Variants in DR1 observed in about 807,000 individuals in gnomAD.
DR1 encodes the protein protein Dr1.
DR1 carries 7 observed loss-of-function variants against 19.9 expected under a neutral mutation model. The ratio of observed to expected loss-of-function variants is 0.35; its 90% CI spans 0.20 to 0.66. The LOEUF is 0.66. Among genes scored for constraint, DR1 ranks in the 30% least tolerant of loss-of-function variants. The probability of loss-of-function intolerance (pLI) is 0.66; values close to 1 mark genes in which losing one functional copy is unlikely to be tolerated. For synonymous variants in DR1, 76 were observed against 72.5 expected (o/e 1.05, Z -0.24); for missense variants, 98 against 203.7 (o/e 0.48, Z 3.16).
rs140098120 is a variant in DR1 at position 93,350,294 on chromosome 1, G to C, written c.220+3429G>C. 9.3e-4 allele frequency among the ~76,000 whole-genome samples: 141 copies of C among 152,204 alleles called. 1 individual carries two copies. Among genetic ancestry groups the C allele is most frequent in the African/African-American group, 3.3e-3 (138 of 41,536 alleles). On this transcript the variant is annotated intron_variant, in intron 1 of 2. Coordinates refer to ENST00000370272, the MANE Select transcript of DR1 (RefSeq NM_001938.3). ...ATTGTTGTCCAAGATTTCCAGTAGT[G>C]ATACCATGGAGGACATGGTTCTTAA...
rs1173956034 is a variant in DR1, at chr1:93,364,798, A to G, written c.*4159A>G. The G allele has an allele frequency of 2.8e-5, 4 of 143,980 alleles. No individual in the cohort carries two copies. The highest frequency in any genetic ancestry group is 1.1e-4 in the African/African-American group (4 of 36,324). 8.9% of individuals were successfully genotyped at this position (143,980 alleles called of 1,614,324 possible). A position where few individuals can be genotyped will look rare whatever the true frequency, so the allele number is the denominator to read the frequency against. Reference sequence around the variant, plus strand: ...AGGAAGAAACTTTTTTTTTTTTTTTAAAGAAACAGGGTCTCACTATGTTTC... The same window carrying G: ...AGGAAGAAACTTTTTTTTTTTTTTTGAAGAAACAGGGTCTCACTATGTTTC... On this transcript the variant is annotated 3_prime_UTR_variant, in exon 3 of 3. Transcript: ENST00000370272.
rs754848799 is a variant in DR1 at position 93,362,740 on chromosome 1, G to A, written c.*2101G>A. On this transcript the variant is annotated 3_prime_UTR_variant, in exon 3 of 3. Transcript: ENST00000370272. ...GTTTACTGTTATTTCAAAAAATGTG[G>A]TTTTACTTGTATTTTTATAATTTAC... is the stretch of plus-strand genomic sequence containing the variant. The A allele has an allele frequency of 6.8e-5, 10 of 147,518 alleles. No homozygotes were observed. Among genetic ancestry groups the A allele is most frequent in the Admixed American group, 1.3e-4 (2 of 14,868 alleles). 9.1% of individuals were successfully genotyped at this position (147,518 alleles called of 1,614,324 possible).
chr1:93,346,520 C>A lies in DR1; in HGVS notation c.-126C>A. 1.4e-6 allele frequency: 1 copy of A among 696,922 alleles called. No individual in the cohort carries two copies. Among genetic ancestry groups the A allele is most frequent in the Non-Finnish European group, 2.4e-6 (1 of 410,998 alleles). The allele number at this position is 696,922 out of a possible 1,614,324, so 43.2% of individuals were successfully genotyped here. A position where few individuals can be genotyped will look rare whatever the true frequency, so the allele number is the denominator to read the frequency against. On this transcript the variant is annotated 5_prime_UTR_variant, in exon 1 of 3. Transcript: ENST00000370272. The stretch of plus-strand genomic sequence containing the variant: ...CAGCTGCTCCTCCGTTCATTTTCTG[C>A]ACCCTCTTCGCAAAGCACCCCCCGG...
intron 2 of DR1, 29 bp downstream of exon 2, chr1:93,354,100 C>T: frequency 6.3e-7 from 1 of 1,596,206 alleles, no homozygotes. Flanking sequence ...TTATTTTCCT[C>T]TGAATCCTAC....
intron 1 of DR1, among the ~76,000 whole-genome samples, chr1:93,353,101 C>T (rs1346455134): frequency 1.3e-5 from 2 of 151,890 alleles, no homozygotes; most frequent in South Asian, 2.1e-4. Context: ...TGCCATGTTG[C>T]CCGCGGTGGT....
At chr1:93,355,423 A>G (rs1424067492) in intron 2 of DR1, 1 of 152,204 alleles carries the variant, frequency 6.6e-6, no homozygotes, top group African/African-American at 2.4e-5. Flanking sequence ...TGAGTGGGAA[A>G]GATTGACTTA....
Position 93,365,705 on chromosome 1 carries a change from C to A in DR1, c.*5066C>A, listed in dbSNP as rs1461641376. On this transcript the variant is annotated 3_prime_UTR_variant, in exon 3 of 3. Transcript: ENST00000370272. ...ATAGGTGATTTGGAAAGAGGAGGCC[C>A]AGGATTAAAATATGTTTCCAAGAAA... The A allele has an allele frequency of 6.6e-6, 1 of 152,136 alleles. No homozygotes were observed. Among genetic ancestry groups the A allele is most frequent in the African/African-American group, 2.4e-5 (1 of 41,420 alleles). 9.4% of individuals were successfully genotyped at this position (152,136 alleles called of 1,614,324 possible).
chr1:93,351,436 C>CTTTTT (rs397862048), intron 1 of DR1, among the ~76,000 whole-genome samples: 298 of 103,768 alleles, frequency 2.9e-3, no homozygotes, highest in Non-Finnish European at 3.4e-3. Context: ...GATTTTCTTT[C>CTTTTT]TTTTTTTTTT....
intron 2 of DR1, chr1:93,355,110 T>C (rs1666963818): frequency 6.6e-6 from 1 of 152,168 alleles, no homozygotes; most frequent in Non-Finnish European, 1.5e-5. Context: ...TTTATTGATA[T>C]TGCAGACCAC....
Position 93,354,030 on chromosome 1 carries a change from G to A in DR1, c.343G>A (p.Glu115Lys). 1 of 1,613,774 alleles carries A rather than the reference G, an allele frequency of 6.2e-7. No individual in the cohort carries two copies. The highest frequency in any genetic ancestry group is 8.5e-7 in the Non-Finnish European group (1 of 1,179,828). ...TCGTTTGGAAAACCTTGGCATTCCT[G>A]AAGAAGAGTTATTGAGACAGCAACA... ...SSRLENLGIP[E>K]EELLRQQQEL... Residue 115 changes from glutamate (E) to lysine (K), a missense_variant, in exon 2 of 3, where the codon GAA (glutamate) becomes AAA (lysine). Physicochemically the swap from Glu to Lys is moderately conservative, Grantham distance 56. Transcript: ENST00000370272.
Position 93,345,964 on chromosome 1 carries a change from C to T in DR1, c.-682C>T, listed in dbSNP as rs1323183204. On this transcript the variant is annotated 5_prime_UTR_variant, in exon 1 of 3. Transcript: ENST00000370272. Reference sequence around the variant, plus strand: ...CTTCCCTGGCATCTGGAGGGACCACCGTTGCCGCGTCTTCGGCTTCCACGA... The same window carrying T: ...CTTCCCTGGCATCTGGAGGGACCACTGTTGCCGCGTCTTCGGCTTCCACGA... 6.5e-6 allele frequency: 1 copy of T among 154,140 alleles called. No homozygotes were observed. Among genetic ancestry groups the T allele is most frequent in the East Asian group, 1.9e-4 (1 of 5,204 alleles). 9.5% of individuals were successfully genotyped at this position (154,140 alleles called of 1,614,324 possible). A position where few individuals can be genotyped will look rare whatever the true frequency, so the allele number is the denominator to read the frequency against.
chr1:93,354,145 C>T, intron 2 of DR1, 74 bp downstream of exon 2: 2 of 1,407,482 alleles, frequency 1.4e-6, no homozygotes, highest in Admixed American at 2.0e-5. Flanking sequence ...CCTAAATTAA[C>T]AGACATACCC....
At chr1:93,357,114 A>G (rs1054553131) in intron 2 of DR1, among the ~76,000 whole-genome samples, 9 of 152,118 alleles carry the variant, frequency 5.9e-5, no homozygotes, top group African/African-American at 1.9e-4. Context: ...AGAATCAACT[A>G]TTTTTCCTAT....
chr1:93,359,456 T>G (rs1667028587), intron 2 of DR1, among the ~76,000 whole-genome samples: 1 of 152,202 alleles, frequency 6.6e-6, no homozygotes, highest in Non-Finnish European at 1.5e-5. Flanking sequence ...AATTATGGTA[T>G]ATTAAATAGA....
At chr1:93,349,043 A>G (rs1666886579) in intron 1 of DR1, among the ~76,000 whole-genome samples, 1 of 152,080 alleles carries the variant, frequency 6.6e-6, no homozygotes, top group African/African-American at 2.4e-5. Flanking sequence ...TGGAATAAGT[A>G]ATGTACATTT....
intron 2 of DR1, among the ~76,000 whole-genome samples, chr1:93,357,294 G>A (rs539637402): frequency 1.3e-5 from 2 of 151,856 alleles, no homozygotes; most frequent in South Asian, 2.1e-4. Flanking sequence ...ACCATATACG[G>A]GTCTTCTGCA....
rs1294223449 is a variant in DR1 at position 93,367,999 on chromosome 1, G to C, written c.*7360G>C. 2 of 152,196 alleles carry C rather than the reference G, an allele frequency of 1.3e-5. No homozygotes were observed. Among genetic ancestry groups the C allele is most frequent in the Non-Finnish European group, 2.9e-5 (2 of 68,038 alleles). 9.4% of individuals were successfully genotyped at this position (152,196 alleles called of 1,614,324 possible). ...GCACTCCAGCCTGACAACAGAGCAA[G>C]ACTTCGTCTCAAAAAAACAAACAAA... is the stretch of plus-strand genomic sequence containing the variant. On this transcript the variant is annotated 3_prime_UTR_variant, in exon 3 of 3. Transcript: ENST00000370272.
chr1:93,353,686 C>A (rs1666944572), intron 1 of DR1, among the ~76,000 whole-genome samples: 1 of 152,174 alleles, frequency 6.6e-6, no homozygotes, highest in South Asian at 2.1e-4. Flanking sequence ...CTTGGTTCTT[C>A]AAGTTTTAAC....
chr1:93,353,875 C>G, intron 1 of DR1, 33 bp from the exon 2 acceptor site: 1 of 1,560,588 alleles, frequency 6.4e-7, no homozygotes. Flanking sequence ...TGTTTTATCA[C>G]CCTTTCATAT....
Sources: allele counts gnomAD v4.1 joint callset (sites outside exome capture counted in the v4.1 genomes callset), GRCh38; gene constraint gnomAD v4.1.1; transcripts MANE v1.5; gene names NCBI Gene and HGNC (gene_info 2026-07-23, HGNC 2026-07-21).